The following ST8SIA1 variants were observed in gnomAD, a reference collection of about 807,000 sequenced individuals.
ST8SIA1 encodes ST8 alpha-N-acetyl-neuraminide alpha-2,8-sialyltransferase 1.
A neutral mutation model predicts 35.9 loss-of-function variants in ST8SIA1; 16 were observed. The ratio of observed to expected loss-of-function variants is 0.45; its 90% CI spans 0.30 to 0.68. The LOEUF (loss-of-function observed/expected upper bound fraction) is 0.68. ST8SIA1 is among the 30% of genes least tolerant of loss of function. The pLI, the probability that ST8SIA1 is intolerant of heterozygous loss-of-function variation, is 0.09. For missense variants in ST8SIA1, 383 were observed against 453.6 expected, an observed-to-expected ratio of 0.84 and a Z score of 1.41; for synonymous variants, 170 against 169.6, an observed-to-expected ratio of 1.00 and a Z score of -0.02.
chr12:22,324,800 T>G (rs1380074519), intron 1 of ST8SIA1: 1 of 152,084 alleles, frequency 6.6e-6, no homozygotes, highest in Admixed American at 6.5e-5. Context: ...AAGTCTAACA[T>G]AAATTTGTCA....
At chr12:22,275,661 C>T (rs1438793252) in intron 2 of ST8SIA1, among the ~76,000 whole-genome samples, 1 of 152,144 alleles carries the variant, frequency 6.6e-6, no homozygotes, top group Non-Finnish European at 1.5e-5. Flanking sequence ...TTGTGTGACA[C>T]TCTAAGGGAT....
chr12:22,309,638 T>C (rs1866426224), intron 1 of ST8SIA1, among the ~76,000 whole-genome samples: 1 of 152,132 alleles, frequency 6.6e-6, no homozygotes, highest in Non-Finnish European at 1.5e-5. Flanking sequence ...TCTCTCAAAG[T>C]ATCTGTTTCT....
intron 1 of ST8SIA1, among the ~76,000 whole-genome samples, chr12:22,327,745 G>A (rs920823596): frequency 1.3e-5 from 2 of 151,690 alleles, no homozygotes; most frequent in Non-Finnish European, 2.9e-5. Flanking sequence ...ATCCTAAAAC[G>A]CCTCCCCTCT....
chr12:22,301,733 T>C (rs2135825360), intron 1 of ST8SIA1, among the ~76,000 whole-genome samples: 1 of 152,294 alleles, frequency 6.6e-6, no homozygotes, highest in East Asian at 1.9e-4. Flanking sequence ...GCTGGCCTCA[T>C]ACCTTGTCTA....
chr12:22,228,017 CT>C (rs1364019623), intron 4 of ST8SIA1, among the ~76,000 whole-genome samples: 2 of 152,184 alleles, frequency 1.3e-5, no homozygotes, highest in Non-Finnish European at 2.9e-5. Context: ...ATCTTCCCTC[CT>C]TGAATGGTTT....
rs112429001 is a variant in ST8SIA1, at chr12:22,304,227, T to A, written c.237-16934A>T. On this transcript the variant is annotated intron_variant, in intron 1 of 4. Transcript: ENST00000396037. ...GCTCAGTGGTTAAAAGTCAGCTTAA[T>A]TACAAGCTAACATCCAAAAATGTAT... is the stretch of plus-strand genomic sequence containing the variant. 4.4e-4 allele frequency among the ~76,000 whole-genome samples: 67 copies of A among 152,292 alleles called. 1 individual carries two copies. Among genetic ancestry groups the A allele is most frequent in the African/African-American group, 1.6e-3 (65 of 41,570 alleles).
chr12:22,202,461 A>T (rs908820819), intron 4 of ST8SIA1, among the ~76,000 whole-genome samples: 4 of 152,246 alleles, frequency 2.6e-5, no homozygotes, highest in Non-Finnish European at 4.4e-5. Context: ...AATCACTTCT[A>T]AGATACCTCT....
At chr12:22,328,886 C>T (rs1259174441) in intron 1 of ST8SIA1, among the ~76,000 whole-genome samples, 2 of 152,174 alleles carry the variant, frequency 1.3e-5, no homozygotes, top group Admixed American at 1.3e-4. Context: ...CTGATTTGCT[C>T]AAGAACACAG....
chr12:22,241,631 C>A (rs1865542546), intron 4 of ST8SIA1, among the ~76,000 whole-genome samples: 1 of 132,870 alleles, frequency 7.5e-6, no homozygotes, highest in Admixed American at 8.2e-5. Flanking sequence ...GAGATGGAGT[C>A]TCACTCTGTC....
intron 1 of ST8SIA1, among the ~76,000 whole-genome samples, chr12:22,310,800 T>C (rs773484907): frequency 6.6e-6 from 1 of 152,052 alleles, no homozygotes; most frequent in Non-Finnish European, 1.5e-5. Flanking sequence ...AAAAATATGA[T>C]AAATCAACAT....
intron 1 of ST8SIA1, chr12:22,324,572 G>T (rs910145663): frequency 1.3e-5 from 2 of 151,988 alleles, no homozygotes; most frequent in Non-Finnish European, 2.9e-5. Flanking sequence ...TTATATTTTT[G>T]TTTCATTTAT....
chr12:22,284,254 G>C (rs551121689), intron 2 of ST8SIA1, among the ~76,000 whole-genome samples: 1 of 152,212 alleles, frequency 6.6e-6, no homozygotes, highest in African/African-American at 2.4e-5. Flanking sequence ...CAAGTGTAAA[G>C]GTACAGACAT....
chr12:22,218,449 C>T (rs962727189), intron 4 of ST8SIA1, among the ~76,000 whole-genome samples: 1 of 151,630 alleles, frequency 6.6e-6, no homozygotes, highest in South Asian at 2.1e-4. Flanking sequence ...AAAACCCCGT[C>T]TCTATAAAAA....
intron 1 of ST8SIA1, among the ~76,000 whole-genome samples, chr12:22,293,114 T>C (rs190835593): frequency 2.0e-3 from 303 of 152,326 alleles, no homozygotes; most frequent in African/African-American, 6.9e-3. Context: ...CTGACAAACA[T>C]TTTCAGTAGT....
rs1253867560 is a variant in ST8SIA1, at chr12:22,334,550, C to T, written c.-318G>A. 1.4e-4 allele frequency: 58 copies of T among 411,260 alleles called. 1 individual carries two copies. The highest frequency in any genetic ancestry group is 2.4e-4 in the Non-Finnish European group (55 of 225,130). 25.5% of individuals were successfully genotyped at this position (411,260 alleles called of 1,614,324 possible). On this transcript the variant is annotated 5_prime_UTR_variant, in exon 1 of 5. Coordinates refer to ENST00000396037, the MANE Select transcript of ST8SIA1 (RefSeq NM_003034.4). Reference sequence around the variant, plus strand: ...CGCAGAGAGCGGCGGCGGCGAGTCGCTCCCGCCGGTTCTGCAGCATCACGG... The same window carrying T: ...CGCAGAGAGCGGCGGCGGCGAGTCGTTCCCGCCGGTTCTGCAGCATCACGG...
rs1019113897 is a variant in ST8SIA1 at position 22,197,557 on chromosome 12, G to T, written c.*3995C>A. On this transcript the variant is annotated 3_prime_UTR_variant, in exon 5 of 5. Coordinates refer to ENST00000396037, the MANE Select transcript of ST8SIA1 (RefSeq NM_003034.4). ...AGTTATAAAACTGGAATATGTAGCT[G>T]CTGACGAAAAGAAATGTTATCAATA... 6.6e-6 allele frequency: 1 copy of T among 152,138 alleles called. No individual in the cohort carries two copies. The highest frequency in any genetic ancestry group is 2.4e-5 in the African/African-American group (1 of 41,424). The allele number at this position is 152,138 out of a possible 1,614,324, so 9.4% of individuals were successfully genotyped here.
Position 22,303,754 on chromosome 12 carries a change from C to T in ST8SIA1, c.237-16461G>A, listed in dbSNP as rs182820636. 1.8e-3 allele frequency among the ~76,000 whole-genome samples: 273 copies of T among 151,598 alleles called. 1 individual carries two copies. The highest frequency in any genetic ancestry group is 3.2e-3 in the Non-Finnish European group (217 of 67,944). ...TCCCATTGGGTTTGATCAACTCCAT[C>T]CGACTTAATCAAATTAGAAGGAAAG... On this transcript the variant is annotated intron_variant, in intron 1 of 4. Coordinates refer to ENST00000396037, the MANE Select transcript of ST8SIA1 (RefSeq NM_003034.4).
At chr12:22,202,262 T>C (rs1865056392) in intron 4 of ST8SIA1, among the ~76,000 whole-genome samples, 1 of 152,186 alleles carries the variant, frequency 6.6e-6, no homozygotes, top group African/African-American at 2.4e-5. Flanking sequence ...CAGTTAACAT[T>C]TGTTAATGGG....
intron 4 of ST8SIA1, among the ~76,000 whole-genome samples, chr12:22,233,945 A>C (rs1048581244): frequency 1.2e-4 from 19 of 152,150 alleles, no homozygotes; most frequent in African/African-American, 4.6e-4. Context: ...TGTTTAAAAC[A>C]AATTATATTT....
Sources: allele counts gnomAD v4.1 joint callset (sites outside exome capture counted in the v4.1 genomes callset), GRCh38; gene constraint gnomAD v4.1.1; transcripts MANE v1.5; gene names NCBI Gene and HGNC (gene_info 2026-07-23, HGNC 2026-07-21).